Variants in ACADSB observed in about 807,000 individuals in gnomAD.
ACADSB encodes the protein short/branched chain specific acyl-CoA dehydrogenase, mitochondrial.
A neutral mutation model predicts 54.1 loss-of-function variants in ACADSB; 40 were observed. That is an observed-to-expected ratio of 0.74 (90% CI 0.57 to 0.96). The LOEUF (loss-of-function observed/expected upper bound fraction) is 0.96. Among genes scored for constraint, ACADSB ranks in the 40% least tolerant of loss-of-function variants. The pLI, the probability that ACADSB is intolerant of heterozygous loss-of-function variation, is 0.00. For missense variants in ACADSB, 530 were observed against 510.4 expected (o/e 1.04, Z -0.37); for synonymous variants, 182 against 182.8 (o/e 1.00, Z 0.03).
At chr10:123,044,151 A>G (rs1406986743) in intron 6 of ACADSB, among the ~76,000 whole-genome samples, 2 of 152,202 alleles carry the variant, frequency 1.3e-5, no homozygotes, top group South Asian at 2.1e-4. Flanking sequence ...CCCTTACTCT[A>G]GATTCACTCA....
At chr10:123,025,216 G>A (rs1452279277) in intron 1 of ACADSB, among the ~76,000 whole-genome samples, 8 of 152,190 alleles carry the variant, frequency 5.3e-5, no homozygotes, top group Admixed American at 5.2e-4. Flanking sequence ...TGCACTTTGC[G>A]GGGGCCTAGC....
chr10:123,042,390 A>G (rs1850486766), intron 5 of ACADSB, among the ~76,000 whole-genome samples: 1 of 152,166 alleles, frequency 6.6e-6, no homozygotes, highest in Non-Finnish European at 1.5e-5. Flanking sequence ...GCAAAATAAT[A>G]AATACATTTT....
In ACADSB at chr10:123,009,068, G is replaced by C. The variant is rs901402559; in HGVS notation, c.39G>C (p.Arg13Ser). ...CAGTGCGGTTGCTGCGCGGCAGCAG[G>C]CTGGTGAGTGCGTTCGAGGCTGGCG... Reference protein sequence around the residue: ...GLAVRLLRGSRLLRRNFLTCL... With the variant: ...GLAVRLLRGSSLLRRNFLTCL... Residue 13 changes from arginine to serine, a missense_variant, in exon 1 of 11, where the codon AGG (arginine) becomes AGC (serine). By Grantham distance (110) the Arg-to-Ser change is moderately radical. Coordinates refer to ENST00000358776, the MANE Select transcript of ACADSB (RefSeq NM_001609.4). The C allele has an allele frequency of 3.8e-5, 58 of 1,546,206 alleles. No individual in the cohort carries two copies. The highest frequency in any genetic ancestry group is 5.0e-5 in the Non-Finnish European group (57 of 1,146,712).
intron 1 of ACADSB, among the ~76,000 whole-genome samples, chr10:123,016,809 G>T (rs1310890415): frequency 6.6e-6 from 1 of 152,036 alleles, no homozygotes; most frequent in East Asian, 1.9e-4. Context: ...AGCAAAAGAA[G>T]GAAAAGGATA....
chr10:123,018,153 A>G (rs1348685914), intron 1 of ACADSB, among the ~76,000 whole-genome samples: 1 of 152,174 alleles, frequency 6.6e-6, no homozygotes, highest in East Asian at 1.9e-4. Context: ...GGGGCCTTAG[A>G]ATCTTATTTT....
intron 6 of ACADSB, 83 bp downstream of exon 6, chr10:123,043,254 C>A: frequency 6.4e-7 from 1 of 1,555,414 alleles, no homozygotes; most frequent in Non-Finnish European, 8.8e-7. Context: ...AGACAGGTGT[C>A]AAAATACTAA....
At chr10:123,051,369 A>G (rs1850631242) in intron 9 of ACADSB, among the ~76,000 whole-genome samples, 183 bp downstream of exon 9, 1 of 152,164 alleles carries the variant, frequency 6.6e-6, no homozygotes, top group Non-Finnish European at 1.5e-5. Context: ...CCATAGGAAA[A>G]CACTTGAATT....
intron 1 of ACADSB, among the ~76,000 whole-genome samples, chr10:123,018,467 G>A (rs994918303): frequency 6.6e-6 from 1 of 152,158 alleles, no homozygotes; most frequent in African/African-American, 2.4e-5. Context: ...ACTGGTAGAT[G>A]GGAAAGGTTG....
At position 123,024,801 on chromosome 10, in the gene ACADSB, TTC is replaced by T. The variant is rs1223271257; in HGVS notation, c.43-9554_43-9553del. 3.1e-3 allele frequency among the ~76,000 whole-genome samples: 469 copies of T among 152,300 alleles called. 2 individuals are homozygous for T. Among genetic ancestry groups the T allele is most frequent in the African/African-American group, 0.011 (442 of 41,566 alleles). Reference sequence around the variant, plus strand: ...GGCCCAGTTACAGAATTTTCTGGGGTTCAAATACACTCTAGAGGTTTCCCATT... The same window carrying T: ...GGCCCAGTTACAGAATTTTCTGGGGTAAATACACTCTAGAGGTTTCCCATT... On this transcript the variant is annotated intron_variant, in intron 1 of 10. Coordinates refer to ENST00000358776, the MANE Select transcript of ACADSB (RefSeq NM_001609.4).
At chr10:123,031,446 A>G (rs2133471232) in intron 1 of ACADSB, among the ~76,000 whole-genome samples, 1 of 152,332 alleles carries the variant, frequency 6.6e-6, no homozygotes, top group South Asian at 2.1e-4. Context: ...CTATACAAAA[A>G]AATGTGATGA....
intron 1 of ACADSB, among the ~76,000 whole-genome samples, chr10:123,025,491 A>AAATAAATT (rs200021989): frequency 6.7e-6 from 1 of 149,782 alleles, no homozygotes; most frequent in Non-Finnish European, 1.5e-5. Context: ...ATAAATAAAT[A>AAATAAATT]AAATAATGTG....
Position 123,047,326 on chromosome 10 carries a change from G to C in ACADSB, c.990+28G>C, listed in dbSNP as rs762798329. The C allele has an allele frequency of 3.5e-6, 5 of 1,444,574 alleles. No individual in the cohort carries two copies. In the South Asian group the frequency reaches 5.7e-5, roughly 17 times the overall value. The allele number at this position is 1,444,574 out of a possible 1,614,324, so 89.5% of individuals were successfully genotyped here. ...ATGTAATTATTAGGGTCTTTCTGCT[G>C]TGTTAGACTTCCCCAGCTTCCTGTT... On this transcript the variant is annotated intron_variant, in intron 8 of 10. Coordinates refer to ENST00000358776, the MANE Select transcript of ACADSB (RefSeq NM_001609.4).
At chr10:123,034,612 C>T (rs1205386285) in intron 2 of ACADSB, 97 bp downstream of exon 2, 6 of 1,337,392 alleles carry the variant, frequency 4.5e-6, no homozygotes, top group African/African-American at 4.3e-5. Flanking sequence ...CCTCTGGGCT[C>T]AAGCTATCCT....
At position 123,055,180 on chromosome 10, in the gene ACADSB, A is replaced by G. The variant is rs1850689707; in HGVS notation, c.*1415A>G. On this transcript the variant is annotated 3_prime_UTR_variant, in exon 11 of 11. Transcript: ENST00000358776. ...TGCTGATAAAGACATACCTGAGACC[A>G]GGAAGAAAAAGAGGTTTAATTGGAC... 1 of 166,960 alleles carries G rather than the reference A, an allele frequency of 6.0e-6. No homozygotes were observed. The highest frequency in any genetic ancestry group is 1.3e-5 in the Non-Finnish European group (1 of 79,716). The allele number at this position is 166,960 out of a possible 1,614,324, so 10.3% of individuals were successfully genotyped here. A position where few individuals can be genotyped will look rare whatever the true frequency, so the allele number is the denominator to read the frequency against.
intron 1 of ACADSB, among the ~76,000 whole-genome samples, chr10:123,022,071 T>C (rs576017236): frequency 6.6e-6 from 1 of 152,320 alleles, no homozygotes; most frequent in East Asian, 1.9e-4. Context: ...GCCTTTTAAG[T>C]ATACATATAG....
Position 123,026,796 on chromosome 10 carries a change from TAAG to T in ACADSB, c.43-7557_43-7555del, listed in dbSNP as rs376003169. Among the ~76,000 whole-genome samples the T allele has an allele frequency of 2.4e-3, 367 of 150,684 alleles. 1 individual carries two copies. The highest frequency in any genetic ancestry group is 8.0e-3 in the African/African-American group (329 of 40,952). The stretch of plus-strand genomic sequence containing the variant: ...ATTTTTGAAAGGACAGGGAGAAAAA[TAAG>T]AACGTGTATTCCTATTTGCTTATAT... On this transcript the variant is annotated intron_variant, in intron 1 of 10. Transcript: ENST00000358776.
At position 123,047,193 on chromosome 10, in the gene ACADSB, T is replaced by A; in HGVS notation, c.901-16T>A. Reference sequence around the variant, plus strand: ...ACAAAATAAGAAATTCTGATCTTATTTTTTTGTTTTAACAGATGCTGGGAC... The same window carrying A: ...ACAAAATAAGAAATTCTGATCTTATATTTTTGTTTTAACAGATGCTGGGAC... On this transcript the variant is annotated splice_polypyrimidine_tract_variant and intron_variant, in intron 7 of 10. Transcript: ENST00000358776. 1 of 1,563,526 alleles carries A rather than the reference T, an allele frequency of 6.4e-7. No homozygotes were observed.
intron 3 of ACADSB, 93 bp from the exon 4 acceptor site, chr10:123,040,373 A>T: frequency 9.5e-7 from 1 of 1,055,102 alleles, no homozygotes; most frequent in Non-Finnish European, 1.4e-6. Context: ...AATAATAAAT[A>T]TGGTTACAGT....
intron 8 of ACADSB, among the ~76,000 whole-genome samples, chr10:123,050,277 A>G (rs1850611667): frequency 6.6e-6 from 1 of 152,186 alleles, no homozygotes; most frequent in Non-Finnish European, 1.5e-5. Flanking sequence ...TTCCTGCTGG[A>G]CTATGTATTA....
Sources: allele counts gnomAD v4.1 joint callset (sites outside exome capture counted in the v4.1 genomes callset), GRCh38; gene constraint gnomAD v4.1.1; transcripts MANE v1.5; gene names NCBI Gene and HGNC (gene_info 2026-07-23, HGNC 2026-07-21).